The following FRMD4B variants were observed in gnomAD, a reference collection of about 807,000 sequenced individuals.
The protein encoded by FRMD4B is FERM domain-containing protein 4B.
A neutral mutation model predicts 141.5 loss-of-function variants in FRMD4B; 74 were observed. The observed-to-expected ratio is 0.52, with a 90% CI of 0.43 to 0.63. FRMD4B has a LOEUF of 0.63. Ranked by LOEUF, FRMD4B falls within the 30% of genes least tolerant of loss-of-function variation. The pLI, the probability that FRMD4B is intolerant of heterozygous loss-of-function variation, is 0.00. For missense variants in FRMD4B, 1,366 were observed against 1,253.4 expected, an observed-to-expected ratio of 1.09 and a Z score of -1.36; for synonymous variants, 506 against 467.9, an observed-to-expected ratio of 1.08 and a Z score of -1.05.
intron 4 of FRMD4B, among the ~76,000 whole-genome samples, chr3:69,294,979 A>T (rs1409850702): frequency 1.3e-5 from 2 of 152,240 alleles, no homozygotes; most frequent in African/African-American, 4.8e-5. Context: ...AATCTTTCAT[A>T]TTCAAAGGCT....
intron 1 of FRMD4B, among the ~76,000 whole-genome samples, chr3:69,502,130 C>T (rs1365203555): frequency 6.6e-6 from 1 of 152,110 alleles, no homozygotes; most frequent in Non-Finnish European, 1.5e-5. Flanking sequence ...AGATTCAATG[C>T]CATCCCCATC....
intron 1 of FRMD4B, among the ~76,000 whole-genome samples, chr3:69,460,073 G>A (rs1338489182): frequency 1.3e-5 from 2 of 152,118 alleles, no homozygotes; most frequent in Non-Finnish European, 2.9e-5. Flanking sequence ...CTGTCAGCAC[G>A]CACGACCCCT....
intron 1 of FRMD4B, among the ~76,000 whole-genome samples, chr3:69,494,072 G>A (rs112863153): frequency 6.6e-6 from 1 of 152,188 alleles, no homozygotes; most frequent in South Asian, 2.1e-4. Flanking sequence ...TAGAGACAGG[G>A]TCTTGATATG....
intron 8 of FRMD4B, among the ~76,000 whole-genome samples, chr3:69,224,032 T>C (rs1173804388): frequency 4.6e-5 from 7 of 152,106 alleles, no homozygotes; most frequent in Admixed American, 4.6e-4. Flanking sequence ...AGAAAAACCA[T>C]CTTGAGGATT....
At chr3:69,232,897 T>G (rs971943361) in intron 7 of FRMD4B, among the ~76,000 whole-genome samples, 1 of 143,058 alleles carries the variant, frequency 7.0e-6, no homozygotes, top group Non-Finnish European at 1.5e-5. Context: ...AAGTTGCAAA[T>G]TTCACTTTTG....
chr3:69,358,984 C>G (rs1703398599), intron 1 of FRMD4B, among the ~76,000 whole-genome samples: 1 of 152,030 alleles, frequency 6.6e-6, no homozygotes, highest in African/African-American at 2.4e-5. Context: ...AACCATGAGC[C>G]AAATAAATCT....
intron 11 of FRMD4B, among the ~76,000 whole-genome samples, chr3:69,212,359 C>CAA (rs869309749): frequency 8.7e-4 from 22 of 25,342 alleles, no homozygotes; most frequent in Admixed American, 1.7e-3. Flanking sequence ...AACCCCGTCT[C>CAA]AAAAAAAAAA....
intron 1 of FRMD4B, among the ~76,000 whole-genome samples, chr3:69,475,314 T>C (rs918697025): frequency 6.6e-6 from 1 of 152,058 alleles, no homozygotes; most frequent in African/African-American, 2.4e-5. Context: ...CATTAACTCG[T>C]CATTTAGCAT....
chr3:69,313,350 A>G (rs1006534436), intron 2 of FRMD4B, 102 bp downstream of exon 2: 9 of 757,132 alleles, frequency 1.2e-5, no homozygotes, highest in East Asian at 8.0e-5. Context: ...CTGAATACAG[A>G]CTATGAGGCT....
chr3:69,447,844 G>C (rs1705433551), intron 1 of FRMD4B, among the ~76,000 whole-genome samples: 2 of 152,202 alleles, frequency 1.3e-5, no homozygotes, highest in South Asian at 2.1e-4. Flanking sequence ...TGATGTTTTT[G>C]AGATTCATCC....
At chr3:69,186,704 T>A (rs1029491708) in intron 19 of FRMD4B, among the ~76,000 whole-genome samples, 1 of 152,090 alleles carries the variant, frequency 6.6e-6, no homozygotes, top group African/African-American at 2.4e-5. Context: ...AGAAAGAGAC[T>A]CTGTCTATAA....
chr3:69,289,286 C>G lies in FRMD4B; in HGVS notation c.417-1450G>C, dbSNP rs576849084. On this transcript the variant is annotated intron_variant, in intron 4 of 22. Transcript: ENST00000398540. ...AATTGAATGTCGTGACTGTACTTATCTCTGAGGAAAGAACAGAACTTTTAT... is the reference window on the plus strand; with the variant it reads ...AATTGAATGTCGTGACTGTACTTATGTCTGAGGAAAGAACAGAACTTTTAT... 2.6e-5 allele frequency among the ~76,000 whole-genome samples: 4 copies of G among 152,204 alleles called. No homozygotes were observed. In the East Asian group the frequency reaches 7.7e-4, roughly 29 times the overall value.
chr3:69,441,730 C>T (rs910031367), intron 1 of FRMD4B, among the ~76,000 whole-genome samples: 7 of 152,150 alleles, frequency 4.6e-5, no homozygotes, highest in East Asian at 1.9e-4. Flanking sequence ...AATGAACTCA[C>T]GTGGATCTCC....
At chr3:69,260,547 G>A (rs758292662) in intron 5 of FRMD4B, among the ~76,000 whole-genome samples, 8 of 152,226 alleles carry the variant, frequency 5.3e-5, no homozygotes, top group Non-Finnish European at 1.0e-4. Context: ...CGCCATGCCT[G>A]AGCCCCCCCT....
At chr3:69,236,360 C>A (rs933323523) in intron 7 of FRMD4B, among the ~76,000 whole-genome samples, 1 of 151,880 alleles carries the variant, frequency 6.6e-6, no homozygotes, top group African/African-American at 2.4e-5. Flanking sequence ...TCCTGAGTAG[C>A]TGGGACTATA....
intron 1 of FRMD4B, among the ~76,000 whole-genome samples, chr3:69,315,819 G>A (rs1157304224): frequency 6.6e-6 from 1 of 152,190 alleles, no homozygotes; most frequent in Non-Finnish European, 1.5e-5. Context: ...GGTCACTTTT[G>A]AAAAGCAGGG....
intron 1 of FRMD4B, among the ~76,000 whole-genome samples, chr3:69,444,392 C>T (rs1339202458): frequency 6.6e-6 from 1 of 152,096 alleles, no homozygotes; most frequent in African/African-American, 2.4e-5. Flanking sequence ...TGAGGACATC[C>T]AGTTGGTGTA....
In FRMD4B at chr3:69,328,951, A is replaced by C. The variant is rs1162616674; in HGVS notation, c.163-15434T>G. Among the ~76,000 whole-genome samples, 8 of 152,300 alleles carry C rather than the reference A, an allele frequency of 5.3e-5. No homozygotes were observed. The East Asian group carries it at 1.5e-3, about 29-fold the overall frequency. ...GTGCTGCTCTGCCTATGGAGTGGCC[A>C]TTCTTTTGTTTCTTTACTTCTCTAA... is the stretch of plus-strand genomic sequence containing the variant. On this transcript the variant is annotated intron_variant, in intron 1 of 22. Coordinates refer to ENST00000398540, the MANE Select transcript of FRMD4B (RefSeq NM_015123.3).
intron 3 of FRMD4B, chr3:69,310,581 CAGAG>C (rs56741050): frequency 0.028 from 4,593 of 165,666 alleles, 7 homozygotes; most frequent in Middle Eastern, 0.071. Context: ...CACACACACA[CAGAG>C]AGAGAGAGAG....
Sources: gnomAD v4.1 joint callset for allele counts (sites outside exome capture counted in the v4.1 genomes callset) on GRCh38, gnomAD v4.1.1 for gene constraint, MANE v1.5 for transcripts, NCBI Gene and HGNC (gene_info 2026-07-23, HGNC 2026-07-21) for gene names.